The following NEB variants were observed in gnomAD, a reference collection of about 807,000 sequenced individuals.
The protein encoded by NEB is nebulin.
Under a neutral mutation model 952.2 loss-of-function variants are expected in NEB, and 512 were observed. That is an observed-to-expected ratio of 0.54 (90% CI 0.50 to 0.58). NEB has a LOEUF of 0.58. NEB is among the 20% of genes least tolerant of loss of function. The pLI is 0.00. For missense variants in NEB, 8,428 were observed against 9,231.1 expected (o/e 0.91, Z 3.56); for synonymous variants, 2,900 against 3,149.8 (o/e 0.92, Z 2.66).
Position 151,664,572 on chromosome 2 carries a change from T to C in NEB, c.5380A>G (p.Lys1794Glu), listed in dbSNP as rs2099187829. ...YKAGWEEEKK[K>E]GYDLRPDAIA... ...GCATCAGGCCTCAGGTCATATCCTT[T>C]CTTCTTTTCCTCTTCCCAGCCAGCT... is the stretch of plus-strand genomic sequence containing the variant. Residue 1794 changes from lysine to glutamate, a missense_variant, in exon 44 of 182, where the codon AAA becomes GAA. Around this residue, in one of 11 missense-constraint regions of NEB, gnomAD observed 2,851 missense variants for 2,791.5 expected, o/e 1.02. Coordinates refer to ENST00000397345, the MANE Select transcript of NEB (RefSeq NM_001164508.2). 3 of 1,608,440 alleles carry C rather than the reference T, an allele frequency of 1.9e-6. No individual in the cohort carries two copies. In the East Asian group the frequency reaches 6.7e-5, roughly 36 times the overall value.
At chr2:151,512,286 G>A (rs936003150) in intron 161 of NEB, among the ~76,000 whole-genome samples, 8 of 151,708 alleles carry the variant, frequency 5.3e-5, no homozygotes, top group African/African-American at 1.5e-4. Context: ...CACCCACCTC[G>A]GCCTCCCAAA....
In NEB at chr2:151,725,635, A is replaced by T. The variant is rs115393086; in HGVS notation, c.295-75T>A. On this transcript the variant is annotated intron_variant, in intron 5 of 181. Transcript: ENST00000397345. ...AGGCAACATACTCACCCCATTTGAT[A>T]AAAAAAAATCCTTCAAGTTATAGCA... is the stretch of plus-strand genomic sequence containing the variant. The T allele has an allele frequency of 1.2e-3, 1,300 of 1,081,374 alleles. 12 individuals carry two copies. In the African/African-American group the frequency reaches 0.018, roughly 15 times the overall value. The allele number at this position is 1,081,374 out of a possible 1,614,324, so 67.0% of individuals were successfully genotyped here.
At position 151,506,956 on chromosome 2, in the gene NEB, T is replaced by G; in HGVS notation, c.23509A>C (p.Thr7837Pro). 2 of 1,611,938 alleles carry G rather than the reference T, an allele frequency of 1.2e-6. No individual in the cohort carries two copies. Among genetic ancestry groups the G allele is most frequent in the Non-Finnish European group, 1.7e-6 (2 of 1,178,700 alleles). Reference protein sequence around the residue: ...SKGKITVVQDTPEILRVKENQ... With the variant: ...SKGKITVVQDPPEILRVKENQ... ...TCTTTTACACGCAGTATTTCTGGCG[T>G]GTCTTGAACAACTGTAATTTTTCCT... is the stretch of plus-strand genomic sequence containing the variant. Residue 7837 changes from threonine to proline, a missense_variant, in exon 163 of 182, where the codon ACG becomes CCG. Around this residue, in one of 11 missense-constraint regions of NEB, gnomAD observed 3,374 missense variants for 3,651.5 expected, o/e 0.92. Transcript: ENST00000397345.
At position 151,493,951 on chromosome 2, in the gene NEB, T is replaced by C. The variant is rs148275764; in HGVS notation, c.24580-84A>G. On this transcript the variant is annotated intron_variant, in intron 174 of 181. Transcript: ENST00000397345. Reference sequence around the variant, plus strand: ...TATTGCAAGTTGGGGGGAAATGTTATGTTTAATCTATTACTATTAGTGAGA... The same window carrying C: ...TATTGCAAGTTGGGGGGAAATGTTACGTTTAATCTATTACTATTAGTGAGA... The C allele has an allele frequency of 4.2e-5, 42 of 1,001,996 alleles. No individual in the cohort carries two copies. In the Middle Eastern group the frequency reaches 8.4e-4, roughly 20 times the overall value. 62.1% of individuals were successfully genotyped at this position (1,001,996 alleles called of 1,614,324 possible).
intron 76 of NEB, among the ~76,000 whole-genome samples, chr2:151,615,053 T>C (rs577630679): frequency 1.6e-4 from 25 of 152,320 alleles, no homozygotes; most frequent in Admixed American, 3.9e-4. Flanking sequence ...ATAGAGTTTA[T>C]GTGTCACCAG....
At position 151,733,024 on chromosome 2, in the gene NEB, T is replaced by C. The variant is rs1194119484; in HGVS notation, c.36+97A>G. The C allele has an allele frequency of 9.3e-6, 10 of 1,071,588 alleles. No individual in the cohort carries two copies. In the Admixed American group the frequency reaches 1.8e-4, roughly 19 times the overall value. 66.4% of individuals were successfully genotyped at this position (1,071,588 alleles called of 1,614,324 possible). ...ATGATGACTCTTTGTGAAGTTATAA[T>C]AGACAATGTATTTTTCGAATGATTA... On this transcript the variant is annotated intron_variant, in intron 3 of 181. Transcript: ENST00000397345.
intron 10 of NEB, among the ~76,000 whole-genome samples, chr2:151,716,332 G>A (rs2099759322): frequency 6.6e-6 from 1 of 151,968 alleles, no homozygotes; most frequent in African/African-American, 2.4e-5. Context: ...TAGAGATGGG[G>A]TTTCACCATG....
rs184760448 is a variant in NEB at position 151,543,714 on chromosome 2, T to C, written c.20578-2163A>G. 2.8e-4 allele frequency among the ~76,000 whole-genome samples: 42 copies of C among 152,312 alleles called. 1 individual carries two copies. The highest frequency in any genetic ancestry group is 2.1e-3 in the South Asian group (10 of 4,820). The stretch of plus-strand genomic sequence containing the variant: ...ATTGCCCAGGCTGGCCTCAAACTCC[T>C]GCACTCCAGTGATCCTCTGGTCTCA... On this transcript the variant is annotated intron_variant, in intron 135 of 181. Transcript: ENST00000397345.
At chr2:151,653,335 A>G (rs2154141411) in intron 52 of NEB, among the ~76,000 whole-genome samples, 1 of 152,338 alleles carries the variant, frequency 6.6e-6, no homozygotes, top group South Asian at 2.1e-4. Flanking sequence ...CAATAGAGAC[A>G]ATACCTAAAT....
At chr2:151,651,438 C>T (rs1575147336) in intron 52 of NEB, among the ~76,000 whole-genome samples, 1 of 152,116 alleles carries the variant, frequency 6.6e-6, no homozygotes, top group African/African-American at 2.4e-5. Flanking sequence ...GCAGACTAAT[C>T]CATTAAATAG....
At chr2:151,546,120 T>A in intron 134 of NEB, 122 bp from the exon 135 acceptor site, 1 of 762,642 alleles carries the variant, frequency 1.3e-6, no homozygotes, top group Non-Finnish European at 2.1e-6. Context: ...GTCCTGGATG[T>A]CTTCCCAGGC....
At chr2:151,573,053 G>A (rs879300569) in intron 107 of NEB, among the ~76,000 whole-genome samples, 5 of 152,120 alleles carry the variant, frequency 3.3e-5, no homozygotes, top group Non-Finnish European at 7.4e-5. Flanking sequence ...ACGTGAATTT[G>A]CTTTGTTACC....
In NEB at chr2:151,614,407, C is replaced by T. The variant is rs772070087; in HGVS notation, c.11470G>A (p.Val3824Met). The change falls in exon 77 of 182, where the codon GTG (valine) becomes ATG (methionine). Residue 3824 changes from valine (V) to methionine (M), a missense_variant. Coordinates refer to ENST00000397345, the MANE Select transcript of NEB (RefSeq NM_001164508.2). ...KFSSPVDMLG[V>M]VLAKKCQILV... ...ATCTGACACTTCTTGGCCAGCACCA[C>T]CCCCAGCATGTCCACTGGGCTGCTG... 3 of 1,613,894 alleles carry T rather than the reference C, an allele frequency of 1.9e-6. No homozygotes were observed. The highest frequency in any genetic ancestry group is 2.5e-6 in the Non-Finnish European group (3 of 1,179,860).
chr2:151,708,985 C>T (rs573680669), intron 12 of NEB, among the ~76,000 whole-genome samples: 18 of 152,334 alleles, frequency 1.2e-4, no homozygotes, highest in Admixed American at 1.2e-3. Flanking sequence ...TGATGTAATC[C>T]TGCTTTCTCC....
At chr2:151,564,477 G>GA (rs1272952614) in intron 117 of NEB, among the ~76,000 whole-genome samples, 3 of 152,258 alleles carry the variant, frequency 2.0e-5, no homozygotes, top group African/African-American at 2.4e-5. Context: ...TATAAGAGTT[G>GA]ACTATTTTTG....
At chr2:151,555,699 CTCTG>C (rs2095606213) in intron 124 of NEB, among the ~76,000 whole-genome samples, 1 of 152,030 alleles carries the variant, frequency 6.6e-6, no homozygotes, top group Non-Finnish European at 1.5e-5. Context: ...CGATTTGCAC[CTCTG>C]TAACAAAAGA....
chr2:151,640,258 C>G, intron 61 of NEB, 97 bp downstream of exon 61: 1 of 1,544,090 alleles, frequency 6.5e-7, no homozygotes, highest in South Asian at 1.2e-5. Flanking sequence ...TTGCCTCCTC[C>G]AGGGGCTGGT....
rs1175476238 is a variant in NEB, at chr2:151,653,450, A to G, written c.6915+542T>C. ...ATGAACTTTAGATTGGATTTTCAGA[A>G]AGAAGAGTTAAGTAAGCCCTTGGGA... On this transcript the variant is annotated intron_variant, in intron 52 of 181. Transcript: ENST00000397345. Among the ~76,000 whole-genome samples the G allele has an allele frequency of 2.6e-5, 4 of 152,312 alleles. No homozygotes were observed. In the East Asian group the frequency reaches 7.7e-4, roughly 29 times the overall value.
intron 28 of NEB, among the ~76,000 whole-genome samples, chr2:151,684,170 C>A (rs954090608): frequency 1.3e-5 from 2 of 152,110 alleles, no homozygotes; most frequent in African/African-American, 4.8e-5. Context: ...CTTAACACCA[C>A]TGAACTGTAC....
Sources: allele counts gnomAD v4.1 joint callset (sites outside exome capture counted in the v4.1 genomes callset), GRCh38; gene constraint gnomAD v4.1.1; regional missense constraint gnomAD v4.1.1; transcripts MANE v1.5; gene names NCBI Gene and HGNC (gene_info 2026-07-23, HGNC 2026-07-21).